Variants in ACSS3 observed in about 807,000 individuals in gnomAD.
ACSS3 encodes the protein acyl-CoA synthetase short chain family member 3, also known as acyl-CoA synthetase short-chain family member 3, mitochondrial.
ACSS3 carries 64 observed loss-of-function variants against 84.2 expected under a neutral mutation model. The observed-to-expected ratio is 0.76, with a 90% CI of 0.62 to 0.94. The LOEUF (loss-of-function observed/expected upper bound fraction) is 0.94. Ranked by LOEUF, ACSS3 falls within the 40% of genes least tolerant of loss-of-function variation. The pLI is 0.00. For missense variants in ACSS3, 815 were observed against 867.6 expected (o/e 0.94, Z 0.76); for synonymous variants, 317 against 310.1 (o/e 1.02, Z -0.23).
chr12:81,128,511 T>C (rs1387410124), intron 2 of ACSS3, among the ~76,000 whole-genome samples: 1 of 152,184 alleles, frequency 6.6e-6, no homozygotes, highest in Non-Finnish European at 1.5e-5. Context: ...TGTATTGCCC[T>C]TGATGTCAGA....
At chr12:81,212,920 C>T (rs2032651694) in intron 9 of ACSS3, among the ~76,000 whole-genome samples, 1 of 152,162 alleles carries the variant, frequency 6.6e-6, no homozygotes, top group South Asian at 2.1e-4. Flanking sequence ...TCTTCATACC[C>T]TTCAATTCCC....
At chr12:81,200,940 T>C (rs2032078244) in intron 9 of ACSS3, among the ~76,000 whole-genome samples, 1 of 151,416 alleles carries the variant, frequency 6.6e-6, no homozygotes, top group Non-Finnish European at 1.5e-5. Context: ...AAATGTTTTT[T>C]ACATCCTTTG....
intron 2 of ACSS3, among the ~76,000 whole-genome samples, chr12:81,114,317 G>T (rs1883856976): frequency 6.6e-6 from 1 of 152,068 alleles, no homozygotes; most frequent in Non-Finnish European, 1.5e-5. Flanking sequence ...ATTTAGAGGA[G>T]AAAATTATTC....
At chr12:81,192,110 G>C (rs535008144) in intron 8 of ACSS3, among the ~76,000 whole-genome samples, 1 of 152,074 alleles carries the variant, frequency 6.6e-6, no homozygotes, top group Non-Finnish European at 1.5e-5. Context: ...GGCCGGGTGC[G>C]GTGGCTCGTG....
intron 7 of ACSS3, among the ~76,000 whole-genome samples, chr12:81,159,427 A>G (rs919408626): frequency 6.6e-6 from 1 of 152,232 alleles, no homozygotes. Flanking sequence ...ACTTTTATCA[A>G]TGGAATTGGA....
intron 10 of ACSS3, 60 bp downstream of exon 10, chr12:81,217,056 T>C: frequency 1.5e-6 from 2 of 1,355,466 alleles, no homozygotes; most frequent in Non-Finnish European, 2.1e-6. Context: ...TTGCATCTAG[T>C]GTGTATTATG....
At chr12:81,084,169 A>C (rs1881171379) in intron 1 of ACSS3, among the ~76,000 whole-genome samples, 1 of 152,150 alleles carries the variant, frequency 6.6e-6, no homozygotes, top group Non-Finnish European at 1.5e-5. Context: ...TTTTGTTTGC[A>C]GTGCCTCGTA....
intron 2 of ACSS3, among the ~76,000 whole-genome samples, chr12:81,130,936 G>T (rs1885455356): frequency 6.6e-6 from 1 of 152,218 alleles, no homozygotes; most frequent in Non-Finnish European, 1.5e-5. Context: ...TTGGATGGTT[G>T]TAGATGTGTG....
intron 13 of ACSS3, among the ~76,000 whole-genome samples, chr12:81,237,704 T>C (rs1435634244): frequency 6.6e-6 from 1 of 151,730 alleles, no homozygotes; most frequent in African/African-American, 2.4e-5. Context: ...GTGGTTTCAA[T>C]GTTAATTTGA....
chr12:81,196,995 A>C (rs2031868089), intron 8 of ACSS3, among the ~76,000 whole-genome samples: 1 of 152,184 alleles, frequency 6.6e-6, no homozygotes, highest in South Asian at 2.1e-4. Context: ...ACATTATTGC[A>C]AAAAATAAAA....
At chr12:81,093,204 C>G (rs1428805971) in intron 1 of ACSS3, among the ~76,000 whole-genome samples, 1 of 152,090 alleles carries the variant, frequency 6.6e-6, no homozygotes, top group African/African-American at 2.4e-5. Flanking sequence ...AATCCTAGCA[C>G]TTTGTGAGGC....
intron 8 of ACSS3, among the ~76,000 whole-genome samples, chr12:81,178,034 A>G (rs2030625184): frequency 6.6e-6 from 1 of 152,216 alleles, no homozygotes; most frequent in South Asian, 2.1e-4. Context: ...CTGCAGCACT[A>G]TTCACAGTAG....
Position 81,257,007 on chromosome 12 carries a change from A to T in ACSS3, c.*2085A>T, listed in dbSNP as rs532404874. 9.2e-5 allele frequency: 14 copies of T among 152,118 alleles called. No individual in the cohort carries two copies. The highest frequency in any genetic ancestry group is 3.9e-4 in the Admixed American group (6 of 15,276). The allele number at this position is 152,118 out of a possible 1,614,324, so 9.4% of individuals were successfully genotyped here. On this transcript the variant is annotated 3_prime_UTR_variant, in exon 16 of 16. Transcript: ENST00000548058. The stretch of plus-strand genomic sequence containing the variant: ...GAATGTGTTTCCTTATTTTTTTTCA[A>T]ATAAGAGTCAGTTAATTTGAAATGG...
chr12:81,193,281 A>G (rs966930152), intron 8 of ACSS3, among the ~76,000 whole-genome samples: 2 of 152,152 alleles, frequency 1.3e-5, no homozygotes, highest in African/African-American at 4.8e-5. Context: ...ACAAGTGAAG[A>G]GTAATTTTTG....
chr12:81,102,084 C>CAT (rs751074351), intron 1 of ACSS3, among the ~76,000 whole-genome samples: 37 of 151,494 alleles, frequency 2.4e-4, no homozygotes, highest in Non-Finnish European at 5.0e-4. Context: ...CTAGCACATA[C>CAT]ATATATATAT....
chr12:81,202,731 A>C (rs1468446771), intron 9 of ACSS3, among the ~76,000 whole-genome samples: 1 of 152,208 alleles, frequency 6.6e-6, no homozygotes, highest in African/African-American at 2.4e-5. Flanking sequence ...CATGTGTACA[A>C]ATGAGCTGCT....
chr12:81,185,914 AG>A (rs1290504198), intron 8 of ACSS3, among the ~76,000 whole-genome samples: 2 of 151,990 alleles, frequency 1.3e-5, no homozygotes, highest in African/African-American at 4.8e-5. Context: ...ATTCTGAGAA[AG>A]AACAACAAAG....
chr12:81,090,321 A>G (rs1420313263), intron 1 of ACSS3, among the ~76,000 whole-genome samples: 1 of 151,990 alleles, frequency 6.6e-6, no homozygotes, highest in Admixed American at 6.6e-5. Flanking sequence ...ATGCTCATCT[A>G]CATTTTGTCA....
chr12:81,119,827 A>G (rs1884416438), intron 2 of ACSS3, among the ~76,000 whole-genome samples: 1 of 152,222 alleles, frequency 6.6e-6, no homozygotes, highest in Non-Finnish European at 1.5e-5. Context: ...AGTTAACACA[A>G]TCATCACAGT....
Sources: gnomAD v4.1 joint callset for allele counts (sites outside exome capture counted in the v4.1 genomes callset) on GRCh38, gnomAD v4.1.1 for gene constraint, MANE v1.5 for transcripts, NCBI Gene and HGNC (gene_info 2026-07-23, HGNC 2026-07-21) for gene names.